Variants in ARB2A observed in about 807,000 individuals in gnomAD.
The protein encoded by ARB2A is cotranscriptional regulator ARB2A.
chr5:93,991,567 G>A, the ARB2A span, among the ~76,000 whole-genome samples: 1 of 149,726 alleles, frequency 6.7e-6, no homozygotes, highest in African/African-American at 2.5e-5. Context: ...AGCATAATGA[G>A]AAAAGAAATA....
At chr5:93,620,924 A>ACC in the ARB2A span, 1 of 1,572,650 alleles carries the variant, frequency 6.4e-7, no homozygotes, top group Non-Finnish European at 8.6e-7. Flanking sequence ...CGCTCGACAC[A>ACC]AGCAGTGAGG....
At chr5:94,041,149 T>A in the ARB2A span, among the ~76,000 whole-genome samples, 1 of 151,858 alleles carries the variant, frequency 6.6e-6, no homozygotes, top group African/African-American at 2.4e-5. Flanking sequence ...TAAAAATCAC[T>A]AGTTATCTCC....
At chr5:93,792,739 T>C in the ARB2A span, among the ~76,000 whole-genome samples, 1 of 148,544 alleles carries the variant, frequency 6.7e-6, no homozygotes, top group East Asian at 2.1e-4. Context: ...TTAGGAGATA[T>C]ACCTAATGCT....
the ARB2A span, among the ~76,000 whole-genome samples, chr5:94,091,569 T>C: frequency 1.3e-5 from 2 of 152,190 alleles, no homozygotes; most frequent in Admixed American, 6.5e-5. Flanking sequence ...TTATACTGAA[T>C]GAAGAGTGGA....
chr5:94,028,350 T>C, the ARB2A span, among the ~76,000 whole-genome samples: 2 of 152,156 alleles, frequency 1.3e-5, no homozygotes, highest in Non-Finnish European at 2.9e-5. Flanking sequence ...CCAAATGCAA[T>C]ACAGCCAGCA....
the ARB2A span, among the ~76,000 whole-genome samples, chr5:93,878,544 C>T: frequency 6.6e-6 from 1 of 151,872 alleles, no homozygotes; most frequent in African/African-American, 2.4e-5. Context: ...AGTTTCCACC[C>T]TCCAAAAGCT....
At chr5:93,696,286 G>A in the ARB2A span, among the ~76,000 whole-genome samples, 1 of 152,108 alleles carries the variant, frequency 6.6e-6, no homozygotes, top group East Asian at 1.9e-4. Context: ...TGATGCATCT[G>A]TCAACCTCCT....
chr5:93,751,774 C>T, the ARB2A span, among the ~76,000 whole-genome samples: 1 of 152,140 alleles, frequency 6.6e-6, no homozygotes, highest in Non-Finnish European at 1.5e-5. Context: ...AATATTTTGG[C>T]CAGCAGACAG....
At chr5:93,868,786 C>T in the ARB2A span, among the ~76,000 whole-genome samples, 1 of 152,142 alleles carries the variant, frequency 6.6e-6, no homozygotes, top group Non-Finnish European at 1.5e-5. Context: ...CAATGCAACA[C>T]CCTAACAATA....
the ARB2A span, chr5:93,804,966 T>C: frequency 1.0e-6 from 1 of 983,472 alleles, no homozygotes; most frequent in Non-Finnish European, 1.2e-6. Context: ...TACAAGCATG[T>C]CCTAGGTGGT....
the ARB2A span, among the ~76,000 whole-genome samples, chr5:93,930,102 C>T: frequency 6.6e-6 from 1 of 152,246 alleles, no homozygotes; most frequent in South Asian, 2.1e-4. Flanking sequence ...CACAGCTGAC[C>T]ACCAGTTACT....
At chr5:93,695,291 C>T in the ARB2A span, among the ~76,000 whole-genome samples, 3 of 152,136 alleles carry the variant, frequency 2.0e-5, no homozygotes, top group South Asian at 4.2e-4. Flanking sequence ...ATCTATCCAT[C>T]TGAGAAAGGG....
At chr5:93,962,087 C>T in the ARB2A span, among the ~76,000 whole-genome samples, 1 of 152,138 alleles carries the variant, frequency 6.6e-6, no homozygotes, top group Admixed American at 6.5e-5. Flanking sequence ...GTTCCAAGGC[C>T]ATTTATCTTC....
the ARB2A span, among the ~76,000 whole-genome samples, chr5:93,812,349 C>T: frequency 6.6e-6 from 1 of 151,990 alleles, no homozygotes; most frequent in East Asian, 1.9e-4. Context: ...GGCCACTGAT[C>T]TCACATTATT....
the ARB2A span, among the ~76,000 whole-genome samples, chr5:93,874,473 G>A: frequency 6.6e-6 from 1 of 152,116 alleles, no homozygotes; most frequent in Non-Finnish European, 1.5e-5. Flanking sequence ...CTGGGAGGGT[G>A]GCATGCTGAC....
At chr5:93,973,209 C>T in the ARB2A span, among the ~76,000 whole-genome samples, 1 of 151,810 alleles carries the variant, frequency 6.6e-6, no homozygotes, top group Non-Finnish European at 1.5e-5. Flanking sequence ...AACTTGGCCT[C>T]CCAGTAGTTC....
the ARB2A span, among the ~76,000 whole-genome samples, chr5:93,813,737 T>C: frequency 1.3e-5 from 2 of 152,190 alleles, no homozygotes; most frequent in Admixed American, 1.3e-4. Context: ...CCTAGCCTCC[T>C]GAACTGTGAG....
the ARB2A span, among the ~76,000 whole-genome samples, chr5:94,085,254 C>G: frequency 1.3e-5 from 2 of 152,170 alleles, no homozygotes; most frequent in Non-Finnish European, 2.9e-5. Flanking sequence ...AACTACATAA[C>G]AAATTACCTC....
chr5:94,065,930 T>C, the ARB2A span, among the ~76,000 whole-genome samples: 1 of 152,204 alleles, frequency 6.6e-6, no homozygotes, highest in Non-Finnish European at 1.5e-5. Flanking sequence ...ATACATTTTC[T>C]TCATATCAAC....
Sources: gnomAD v4.1 joint callset for allele counts (sites outside exome capture counted in the v4.1 genomes callset) on GRCh38, gnomAD v4.1.1 for gene constraint, MANE v1.5 for transcripts, NCBI Gene and HGNC (gene_info 2026-07-23, HGNC 2026-07-21) for gene names.